Variants in DPP6 observed in about 807,000 individuals in gnomAD.
DPP6 encodes the protein A-type potassium channel modulatory protein DPP6.
Under a neutral mutation model 122.6 loss-of-function variants are expected in DPP6, and 69 were observed. That is an observed-to-expected ratio of 0.56 (90% CI 0.46 to 0.69). DPP6 has a LOEUF of 0.69. DPP6 is among the 30% of genes least tolerant of loss of function. DPP6 has a pLI of 0.00. For missense variants in DPP6, 928 were observed against 1,116.9 expected, an observed-to-expected ratio of 0.83 and a Z score of 2.41; for synonymous variants, 418 against 433.1, an observed-to-expected ratio of 0.97 and a Z score of 0.43.
chr7:153,943,767 T>A (rs1046189568), intron 1 of DPP6, among the ~76,000 whole-genome samples: 2 of 152,180 alleles, frequency 1.3e-5, no homozygotes, highest in African/African-American at 4.8e-5. Context: ...TAAAAAGCAA[T>A]TTTGCCTCCC....
chr7:154,555,222 A>T (rs1563847521), intron 4 of DPP6, among the ~76,000 whole-genome samples: 1 of 152,176 alleles, frequency 6.6e-6, no homozygotes, highest in Non-Finnish European at 1.5e-5. Context: ...TCATAATAGA[A>T]TTTTATTTCT....
At chr7:154,545,069 G>A (rs904337289) in intron 4 of DPP6, among the ~76,000 whole-genome samples, 10 of 152,176 alleles carry the variant, frequency 6.6e-5, no homozygotes, top group Admixed American at 1.3e-4. Flanking sequence ...AGAGGCACTC[G>A]CAGAACTCTA....
chr7:154,492,731 T>A (rs1824388859), intron 3 of DPP6, among the ~76,000 whole-genome samples: 1 of 152,202 alleles, frequency 6.6e-6, no homozygotes, highest in African/African-American at 2.4e-5. Context: ...AGATATGACT[T>A]CAGGCTTGTC....
chr7:154,517,465 CA>C (rs1446428153), intron 3 of DPP6, among the ~76,000 whole-genome samples: 1 of 152,090 alleles, frequency 6.6e-6, no homozygotes, highest in African/African-American at 2.4e-5. Flanking sequence ...AAACCTAGGA[CA>C]GGGTGTGGAA....
At chr7:154,813,911 G>A (rs1381038319) in intron 16 of DPP6, among the ~76,000 whole-genome samples, 2 of 24,376 alleles carry the variant, frequency 8.2e-5, no homozygotes, top group Admixed American at 5.6e-4. Flanking sequence ...ATGGAGTTTT[G>A]TTCTTGTCAC....
At chr7:153,809,976 G>A in the DPP6 span, among the ~76,000 whole-genome samples, 7 of 152,136 alleles carry the variant, frequency 4.6e-5, no homozygotes, top group Non-Finnish European at 7.3e-5. Flanking sequence ...GAAGTCTCCA[G>A]TGCCTTAAAG....
intron 1 of DPP6, among the ~76,000 whole-genome samples, chr7:154,004,793 G>C (rs573857387): frequency 7.2e-5 from 11 of 152,212 alleles, no homozygotes; most frequent in African/African-American, 2.6e-4. Flanking sequence ...TAGTTTATAT[G>C]GAGTATTTTG....
intron 3 of DPP6, among the ~76,000 whole-genome samples, chr7:154,495,400 T>G (rs34716721): frequency 0.33 from 50,182 of 150,986 alleles, 8,590 homozygotes; most frequent in South Asian, 0.39. Flanking sequence ...TTTTTTTTTT[T>G]TTGTTGTTGT....
chr7:154,266,537 C>A (rs1803430921), intron 1 of DPP6, among the ~76,000 whole-genome samples: 1 of 152,154 alleles, frequency 6.6e-6, no homozygotes, highest in African/African-American at 2.4e-5. Flanking sequence ...GGAGATTAAG[C>A]CATTGCACTC....
At chr7:154,575,442 G>GTGTGTGTGTGTGTGATA (rs1554590149) in intron 5 of DPP6, among the ~76,000 whole-genome samples, 1 of 104,710 alleles carries the variant, frequency 9.6e-6, no homozygotes, top group African/African-American at 4.2e-5. Flanking sequence ...TATGTGTGTG[G>GTGTGTGTGTGTGTGATA]TGTGTGTATG....
chr7:154,058,753 T>G (rs1328556697), intron 1 of DPP6: 1 of 150,638 alleles, frequency 6.6e-6, no homozygotes, highest in African/African-American at 2.5e-5. Flanking sequence ...CCAGTCCCTC[T>G]TCCCCCCCGG....
At chr7:154,170,016 G>A (rs1339587227) in intron 1 of DPP6, among the ~76,000 whole-genome samples, 3 of 152,128 alleles carry the variant, frequency 2.0e-5, no homozygotes, top group Non-Finnish European at 2.9e-5. Context: ...GAGCCACTGC[G>A]CTTGGCCCCA....
intron 7 of DPP6, among the ~76,000 whole-genome samples, chr7:154,694,539 G>A (rs1457443609): frequency 6.6e-6 from 1 of 152,106 alleles, no homozygotes; most frequent in Non-Finnish European, 1.5e-5. Flanking sequence ...TTGAACCCGG[G>A]AGGCAGAGGT....
chr7:154,572,663 C>T (rs1056475438), intron 5 of DPP6, among the ~76,000 whole-genome samples: 1 of 148,726 alleles, frequency 6.7e-6, no homozygotes, highest in Admixed American at 6.8e-5. Flanking sequence ...ATTACAGGCA[C>T]CCGCCACCAC....
Position 154,755,812 on chromosome 7 carries a change from G to A in DPP6, c.884-13605G>A, listed in dbSNP as rs1026370515. Reference sequence around the variant, plus strand: ...CCCTTGGGTTGGAAGAGGTCGGAGTGGGGCGCGTCCCAGGTCGGGAATGTT... The same window carrying A: ...CCCTTGGGTTGGAAGAGGTCGGAGTAGGGCGCGTCCCAGGTCGGGAATGTT... On this transcript the variant is annotated intron_variant, in intron 8 of 25. Transcript: ENST00000377770. This position sits in a 1 kb window ranked among gnomAD's most constrained non-coding sequence, Gnocchi z 4.7. 2.0e-5 allele frequency among the ~76,000 whole-genome samples: 3 copies of A among 152,228 alleles called. No homozygotes were observed. Among genetic ancestry groups the A allele is most frequent in the African/African-American group, 7.2e-5 (3 of 41,448 alleles).
At chr7:153,829,462 C>T in the DPP6 span, among the ~76,000 whole-genome samples, 48 of 152,310 alleles carry the variant, frequency 3.2e-4, no homozygotes, top group South Asian at 1.2e-3. Context: ...GATCTGCCCA[C>T]GTTGGCCTCC....
intron 1 of DPP6, among the ~76,000 whole-genome samples, chr7:154,436,286 C>T (rs770486169): frequency 5.3e-5 from 8 of 151,400 alleles, no homozygotes; most frequent in Non-Finnish European, 7.4e-5. Flanking sequence ...AGGTTACAAC[C>T]GCTCCATTGC....
intron 1 of DPP6, among the ~76,000 whole-genome samples, chr7:154,236,616 G>A (rs906669867): frequency 6.6e-6 from 1 of 152,140 alleles, no homozygotes; most frequent in African/African-American, 2.4e-5. Flanking sequence ...CTGTGCATGG[G>A]TGAGGCAGCC....
intron 1 of DPP6, among the ~76,000 whole-genome samples, chr7:154,302,498 T>G (rs1805976351): frequency 6.6e-6 from 1 of 152,140 alleles, no homozygotes; most frequent in East Asian, 1.9e-4. Context: ...ATTCCTAAAC[T>G]TCCCCACCTG....
Sources: gnomAD v4.1 joint callset for allele counts (sites outside exome capture counted in the v4.1 genomes callset) on GRCh38, gnomAD v4.1.1 for gene constraint, Gnocchi (gnomAD v3.1) non-coding constraint, MANE v1.5 for transcripts, NCBI Gene and HGNC (gene_info 2026-07-23, HGNC 2026-07-21) for gene names.